TNIK: variants seen among roughly 807,000 people sequenced by gnomAD.
The protein encoded by TNIK is TRAF2 and NCK interacting kinase.
In TNIK, 49 loss-of-function variants were observed where a neutral mutation model predicts 191.3. The ratio of observed to expected loss-of-function variants is 0.26; its 90% CI spans 0.20 to 0.32. The LOEUF is 0.32. Among genes scored for constraint, TNIK ranks in the 10% least tolerant of loss-of-function variants. TNIK has a pLI of 1.00. For synonymous variants in TNIK, 594 were observed against 600.9 expected (o/e 0.99, Z 0.17); for missense variants, 1,155 against 1,702.3 (o/e 0.68, Z 5.66).
At chr3:171,221,172 T>C (rs1260810528) in intron 3 of TNIK, among the ~76,000 whole-genome samples, 1 of 152,190 alleles carries the variant, frequency 6.6e-6, no homozygotes, top group Admixed American at 6.5e-5. Context: ...AAAAAAGCCA[T>C]TTGTTTATCT....
At chr3:171,313,021 A>T (rs1476945015) in intron 2 of TNIK, among the ~76,000 whole-genome samples, 2 of 152,112 alleles carry the variant, frequency 1.3e-5, no homozygotes, top group Admixed American at 6.5e-5. Context: ...GCTACGCCGA[A>T]TAAGAGATTA....
chr3:171,213,528 A>AG (rs1022760651), intron 3 of TNIK, among the ~76,000 whole-genome samples: 1 of 151,922 alleles, frequency 6.6e-6, no homozygotes, highest in African/African-American at 2.4e-5. Context: ...AAGACAGGGG[A>AG]GGGGGGGACT....
At chr3:171,359,869 GGGTTTCATTTTACA>G (rs1559972760) in intron 2 of TNIK, among the ~76,000 whole-genome samples, 3 of 152,100 alleles carry the variant, frequency 2.0e-5, no homozygotes, top group African/African-American at 7.2e-5. Context: ...AATCCTGGCG[GGGTTTCATTTTACA>G]GGTTACAAAT....
At position 171,456,074 on chromosome 3, in the gene TNIK, G is replaced by C. The variant is rs528015232; in HGVS notation, c.57+3933C>G. Among the ~76,000 whole-genome samples, 6 of 152,338 alleles carry C rather than the reference G, an allele frequency of 3.9e-5. No homozygotes were observed. In the East Asian group the frequency reaches 1.2e-3, roughly 29 times the overall value. On this transcript the variant is annotated intron_variant, in intron 1 of 32. Coordinates refer to ENST00000436636, the MANE Select transcript of TNIK (RefSeq NM_015028.4). Reference sequence around the variant, plus strand: ...CTAGGGAATGAGGGCTAAGGGGAAAGACAAGTGTAGATCATCTAATTTTGT... The same window carrying C: ...CTAGGGAATGAGGGCTAAGGGGAAACACAAGTGTAGATCATCTAATTTTGT...
intron 2 of TNIK, among the ~76,000 whole-genome samples, chr3:171,284,864 C>T (rs11706996): frequency 0.026 from 3,881 of 152,162 alleles, 57 homozygotes; most frequent in Middle Eastern, 0.037. Context: ...ATTACTAAAG[C>T]AGGGAAGGAG....
intron 4 of TNIK, among the ~76,000 whole-genome samples, chr3:171,206,065 C>T (rs1235186878): frequency 6.6e-6 from 1 of 152,160 alleles, no homozygotes; most frequent in African/African-American, 2.4e-5. Flanking sequence ...CAGGTACTTA[C>T]TAGCTTCCAG....
intron 2 of TNIK, among the ~76,000 whole-genome samples, chr3:171,338,462 GT>G (rs1757192107): frequency 6.6e-6 from 1 of 151,968 alleles, no homozygotes; most frequent in Non-Finnish European, 1.5e-5. Flanking sequence ...CTTACTATGT[GT>G]GCCAAGAAAT....
chr3:171,156,303 G>A (rs1733167828), intron 12 of TNIK, among the ~76,000 whole-genome samples: 1 of 152,146 alleles, frequency 6.6e-6, no homozygotes, highest in Non-Finnish European at 1.5e-5. Context: ...CTGGAACTGA[G>A]GCCCTTACTG....
In TNIK at chr3:171,228,201, G is replaced by A. The variant is rs1560290323; in HGVS notation, c.144C>T (p.Gly48=). ...CCATAACCTTGATGGCTGCAAGCTG[G>A]CCCGTTTTGACATGACGACCCTGTG... The part of the protein sequence containing the change: ...QVYKGRHVKT[G]QLAAIKVMDV... The change falls in exon 3 of 33, where the codon GGC becomes GGT. Residue 48 remains glycine (G), a synonymous_variant. Coordinates refer to ENST00000436636, the MANE Select transcript of TNIK (RefSeq NM_015028.4). 3 of 1,613,558 alleles carry A rather than the reference G, an allele frequency of 1.9e-6. No homozygotes were observed. The highest frequency in any genetic ancestry group is 2.2e-5 in the East Asian group (1 of 44,876).
intron 2 of TNIK, among the ~76,000 whole-genome samples, chr3:171,286,037 A>T (rs35578559): frequency 0.026 from 3,891 of 152,218 alleles, 60 homozygotes; most frequent in Middle Eastern, 0.037. Context: ...TGTCTAGTAC[A>T]CCCTATGGCA....
chr3:171,263,268 G>A (rs4894643), intron 2 of TNIK, among the ~76,000 whole-genome samples: 34,838 of 152,116 alleles, frequency 0.23, 4,257 homozygotes, highest in East Asian at 0.32. Context: ...AACTCTGCCA[G>A]GTGACCAGAG....
intron 2 of TNIK, among the ~76,000 whole-genome samples, chr3:171,310,372 C>T (rs1753890088): frequency 1.3e-5 from 2 of 151,956 alleles, no homozygotes; most frequent in Admixed American, 1.3e-4. Flanking sequence ...TTTACAGTCA[C>T]AATTGTAAAT....
At chr3:171,273,964 T>C (rs1209420901) in intron 2 of TNIK, among the ~76,000 whole-genome samples, 2 of 152,236 alleles carry the variant, frequency 1.3e-5, no homozygotes, top group Non-Finnish European at 2.9e-5. Context: ...GATTAAGCAC[T>C]GTCACCCCAA....
intron 30 of TNIK, among the ~76,000 whole-genome samples, chr3:171,067,152 G>A (rs550492215): frequency 7.9e-5 from 12 of 152,250 alleles, no homozygotes; most frequent in South Asian, 2.1e-4. Flanking sequence ...TCTTGCTGAC[G>A]TTGAAATTAA....
At chr3:171,303,147 C>T (rs1753061615) in intron 2 of TNIK, among the ~76,000 whole-genome samples, 3 of 152,106 alleles carry the variant, frequency 2.0e-5, no homozygotes, top group Admixed American at 2.0e-4. Flanking sequence ...TCCTCCTAAA[C>T]TTAAACAGAA....
chr3:171,271,509 A>T (rs1749100104), intron 2 of TNIK, among the ~76,000 whole-genome samples: 1 of 152,226 alleles, frequency 6.6e-6, no homozygotes, highest in South Asian at 2.1e-4. Flanking sequence ...ACTTATGTCC[A>T]TCTGTTCAAA....
intron 3 of TNIK, chr3:171,225,835 T>C (rs1454050504): frequency 2.9e-6 from 1 of 340,638 alleles, no homozygotes; most frequent in Non-Finnish European, 5.7e-6. Flanking sequence ...TCAACTGTAG[T>C]TCTTCAAAAC....
intron 2 of TNIK, among the ~76,000 whole-genome samples, chr3:171,341,010 G>T (rs1418566402): frequency 6.6e-6 from 1 of 152,060 alleles, no homozygotes; most frequent in Non-Finnish European, 1.5e-5. Flanking sequence ...GTAGCTAGGG[G>T]TTACTGATTT....
At chr3:171,426,405 T>G in intron 1 of TNIK, among the ~76,000 whole-genome samples, 1 of 78,596 alleles carries the variant, frequency 1.3e-5, no homozygotes, top group Non-Finnish European at 2.3e-5. Context: ...GGGCCTGTTG[T>G]GGGGTGGGGG....
Sources: allele counts gnomAD v4.1 joint callset (sites outside exome capture counted in the v4.1 genomes callset), GRCh38; gene constraint gnomAD v4.1.1; transcripts MANE v1.5; gene names NCBI Gene and HGNC (gene_info 2026-07-23, HGNC 2026-07-21).